Variants in ALCAM observed in about 807,000 individuals in gnomAD.
The protein encoded by ALCAM is activated leukocyte cell adhesion molecule, also known as CD166 antigen.
A neutral mutation model predicts 70.9 loss-of-function variants in ALCAM; 30 were observed. The observed-to-expected ratio is 0.42, with a 90% CI of 0.32 to 0.57. The LOEUF is 0.57. Among genes scored for constraint, ALCAM ranks in the 20% least tolerant of loss-of-function variants. The pLI is 0.11. For synonymous variants in ALCAM, 249 were observed against 242.5 expected (o/e 1.03, Z -0.25); for missense variants, 591 against 695.1 (o/e 0.85, Z 1.68).
chr3:105,463,312 C>T (rs552700765), intron 1 of ALCAM, among the ~76,000 whole-genome samples: 2 of 151,510 alleles, frequency 1.3e-5, no homozygotes, highest in Admixed American at 1.3e-4. Context: ...CATGTTGATG[C>T]TCTTGCATAC....
At chr3:105,548,755 G>A (rs1049754287) in intron 11 of ALCAM, among the ~76,000 whole-genome samples, 2 of 151,418 alleles carry the variant, frequency 1.3e-5, no homozygotes, top group Non-Finnish European at 3.0e-5. Context: ...TCAAACCTAG[G>A]AAAATGCAGT....
chr3:105,471,231 C>T (rs1279074810), intron 1 of ALCAM, among the ~76,000 whole-genome samples: 2 of 151,290 alleles, frequency 1.3e-5, no homozygotes, highest in African/African-American at 4.8e-5. Flanking sequence ...TTTTATTGTT[C>T]AGTAACTAAA....
At chr3:105,491,990 C>T (rs1373119276) in intron 1 of ALCAM, among the ~76,000 whole-genome samples, 9 of 152,160 alleles carry the variant, frequency 5.9e-5, no homozygotes, top group Admixed American at 5.9e-4. Flanking sequence ...CATTTTCACT[C>T]TTCTATGAAG....
Position 105,366,977 on chromosome 3 carries a change from C to G in ALCAM, c.-432C>G, listed in dbSNP as rs924972479. On this transcript the variant is annotated 5_prime_UTR_variant, in exon 1 of 16. Coordinates refer to ENST00000306107, the MANE Select transcript of ALCAM (RefSeq NM_001627.4). ...CGCTGCCACCTGAGGAGACCCGCCG[C>G]CCCCCCGTCGCCGCCTCCTGCGAGT... The G allele has an allele frequency of 1.2e-5, 2 of 163,906 alleles. No homozygotes were observed. The highest frequency in any genetic ancestry group is 4.8e-5 in the African/African-American group (2 of 41,548). The allele number at this position is 163,906 out of a possible 1,614,324, so 10.2% of individuals were successfully genotyped here. A position where few individuals can be genotyped will look rare whatever the true frequency, so the allele number is the denominator to read the frequency against.
intron 1 of ALCAM, among the ~76,000 whole-genome samples, chr3:105,482,357 A>G (rs541391915): frequency 2.6e-5 from 4 of 152,200 alleles, no homozygotes; most frequent in African/African-American, 9.6e-5. Flanking sequence ...TGTGATCTGC[A>G]TAACTTGGAC....
At chr3:105,504,814 G>C (rs553748313) in intron 1 of ALCAM, among the ~76,000 whole-genome samples, 1 of 152,192 alleles carries the variant, frequency 6.6e-6, no homozygotes, top group Admixed American at 6.5e-5. Context: ...CCTAGGTGTG[G>C]GGACACAGGC....
chr3:105,532,091 C>G (rs754158436), intron 4 of ALCAM, 25 bp downstream of exon 4: 8 of 1,591,864 alleles, frequency 5.0e-6, no homozygotes, highest in African/African-American at 2.7e-5. Context: ...TGATTAATAC[C>G]TTTATTTAGC....
intron 1 of ALCAM, among the ~76,000 whole-genome samples, chr3:105,444,309 A>G (rs993593446): frequency 6.6e-6 from 1 of 152,188 alleles, no homozygotes; most frequent in Non-Finnish European, 1.5e-5. Context: ...ACTTACAACC[A>G]TGGTGGAAAG....
intron 14 of ALCAM, among the ~76,000 whole-genome samples, chr3:105,564,239 A>T (rs1940694793): frequency 1.3e-5 from 2 of 152,226 alleles, no homozygotes; most frequent in Admixed American, 1.3e-4. Flanking sequence ...AAATTATACA[A>T]AATCACTTCA....
At chr3:105,451,734 G>T (rs1378477889) in intron 1 of ALCAM, among the ~76,000 whole-genome samples, 3 of 152,216 alleles carry the variant, frequency 2.0e-5, no homozygotes, top group Non-Finnish European at 4.4e-5. Flanking sequence ...GATCTATGAA[G>T]AGGCATTAAT....
chr3:105,386,325 AT>A (rs1191532627), intron 1 of ALCAM, among the ~76,000 whole-genome samples: 3 of 151,622 alleles, frequency 2.0e-5, no homozygotes, highest in African/African-American at 7.3e-5. Context: ...TCTGTTTTGA[AT>A]CAACTGCACA....
chr3:105,421,827 T>C (rs1156901320), intron 1 of ALCAM, among the ~76,000 whole-genome samples: 1 of 151,464 alleles, frequency 6.6e-6, no homozygotes, highest in Non-Finnish European at 1.5e-5. Context: ...AATACTTTTC[T>C]TGAGGTTTTT....
At chr3:105,386,348 A>T (rs779644744) in intron 1 of ALCAM, among the ~76,000 whole-genome samples, 4 of 151,652 alleles carry the variant, frequency 2.6e-5, no homozygotes, top group Non-Finnish European at 5.9e-5. Flanking sequence ...TGGTTTATGC[A>T]TGGGCCAACT....
At chr3:105,513,969 T>G (rs567665810) in intron 1 of ALCAM, among the ~76,000 whole-genome samples, 2 of 152,066 alleles carry the variant, frequency 1.3e-5, no homozygotes, top group East Asian at 3.9e-4. Context: ...CGTCACTCAG[T>G]GCTTCTCATG....
chr3:105,461,180 G>T (rs994306053), intron 1 of ALCAM, among the ~76,000 whole-genome samples: 2 of 151,682 alleles, frequency 1.3e-5, no homozygotes, highest in African/African-American at 4.8e-5. Context: ...TGGACAAAAG[G>T]GTCAGTAGCT....
At chr3:105,394,272 T>C (rs1339407302) in intron 1 of ALCAM, among the ~76,000 whole-genome samples, 4 of 151,982 alleles carry the variant, frequency 2.6e-5, no homozygotes, top group Non-Finnish European at 5.9e-5. Flanking sequence ...GACATATGAC[T>C]CACTACCTAT....
At position 105,507,163 on chromosome 3, in the gene ALCAM, G is replaced by A. The variant is rs58474331; in HGVS notation, c.74-12904G>A. Reference sequence around the variant, plus strand: ...GTGGAAAGTAAAGAGCTCCTATATAGGCCCGCAATTCCCTGCCTCCCCACC... The same window carrying A: ...GTGGAAAGTAAAGAGCTCCTATATAAGCCCGCAATTCCCTGCCTCCCCACC... On this transcript the variant is annotated intron_variant, in intron 1 of 15. Transcript: ENST00000306107. 9.8e-3 allele frequency among the ~76,000 whole-genome samples: 1,498 copies of A among 152,118 alleles called. 21 individuals carry two copies. Among genetic ancestry groups the A allele is most frequent in the African/African-American group, 0.032 (1,345 of 41,494 alleles).
intron 14 of ALCAM, among the ~76,000 whole-genome samples, chr3:105,555,676 A>G (rs1437854000): frequency 1.3e-5 from 2 of 152,038 alleles, no homozygotes; most frequent in Non-Finnish European, 2.9e-5. Context: ...ACATTTGCTA[A>G]TATACCTAGT....
chr3:105,465,693 C>G (rs1415916349), intron 1 of ALCAM, among the ~76,000 whole-genome samples: 1 of 151,324 alleles, frequency 6.6e-6, no homozygotes, highest in Non-Finnish European at 1.5e-5. Context: ...TTTACTTCTC[C>G]TCCTACTGGT....
Sources: gnomAD v4.1 joint callset for allele counts (sites outside exome capture counted in the v4.1 genomes callset) on GRCh38, gnomAD v4.1.1 for gene constraint, MANE v1.5 for transcripts, NCBI Gene and HGNC (gene_info 2026-07-23, HGNC 2026-07-21) for gene names.